Variants in IYD observed in about 807,000 individuals in gnomAD.
IYD encodes iodotyrosine deiodinase 1.
Under a neutral mutation model 28.4 loss-of-function variants are expected in IYD, and 25 were observed. The ratio of observed to expected loss-of-function variants is 0.88; its 90% CI spans 0.64 to 1.23. The LOEUF (loss-of-function observed/expected upper bound fraction) is 1.23, where lower values mean the gene tolerates loss of function less well. Ranked by LOEUF, IYD falls within the 50% of genes most tolerant of loss-of-function variation. The pLI, the probability that IYD is intolerant of heterozygous loss-of-function variation, is 0.00. For synonymous variants in IYD, 140 were observed against 130.8 expected, an observed-to-expected ratio of 1.07 and a Z score of -0.48; for missense variants, 352 against 357.9, an observed-to-expected ratio of 0.98 and a Z score of 0.13.
Position 150,394,088 on chromosome 6 carries a change from T to C in IYD, c.531-11T>C, listed in dbSNP as rs200349984. 23 of 1,613,696 alleles carry C rather than the reference T, an allele frequency of 1.4e-5. No individual in the cohort carries two copies. In the Admixed American group the frequency reaches 1.8e-4, roughly 13 times the overall value. On this transcript the variant is annotated splice_polypyrimidine_tract_variant and intron_variant, in intron 3 of 4. Coordinates refer to ENST00000344419, the MANE Select transcript of IYD (RefSeq NM_203395.3). ...GGCAAATATTATCCTGAATCTCTTT[T>C]CTCTTCACAGAACCAACTGGATTAA... is the stretch of plus-strand genomic sequence containing the variant.
chr6:150,372,705 T>G (rs9384460), intron 1 of IYD, among the ~76,000 whole-genome samples: 29 of 120,482 alleles, frequency 2.4e-4, no homozygotes, highest in African/African-American at 6.9e-4. Context: ...TGGGGGTGTG[T>G]TGGGGGTGGT....
intron 1 of IYD, among the ~76,000 whole-genome samples, chr6:150,385,355 C>A (rs796545940): frequency 2.4e-4 from 37 of 152,098 alleles, no homozygotes; most frequent in African/African-American, 8.9e-4. Flanking sequence ...TGGGGTTTTT[C>A]CCCCCATAGT....
chr6:150,388,634 T>TCTTG (rs1777976294), intron 1 of IYD, among the ~76,000 whole-genome samples: 1 of 43,000 alleles, frequency 2.3e-5, no homozygotes, highest in African/African-American at 6.0e-5. Flanking sequence ...GTTTTTGCTT[T>TCTTG]CTTTCTTTCT....
At chr6:150,397,640 C>CA (rs1778374168) in intron 4 of IYD, among the ~76,000 whole-genome samples, 1 of 150,638 alleles carries the variant, frequency 6.6e-6, no homozygotes, top group African/African-American at 2.4e-5. Flanking sequence ...TGGGCTAGGA[C>CA]ACTGCTTTGG....
At chr6:150,381,242 A>C (rs979582118) in intron 1 of IYD, among the ~76,000 whole-genome samples, 3 of 152,234 alleles carry the variant, frequency 2.0e-5, no homozygotes, top group African/African-American at 7.2e-5. Flanking sequence ...GTACTTACAG[A>C]AATGGTAACA....
At chr6:150,378,772 C>T (rs957200601) in intron 1 of IYD, among the ~76,000 whole-genome samples, 3 of 152,088 alleles carry the variant, frequency 2.0e-5, no homozygotes, top group Non-Finnish European at 4.4e-5. Context: ...ACCATTTGAC[C>T]CAGCCATCCC....
rs1778518010 is a variant in IYD at position 150,401,799 on chromosome 6, T to A, written c.*3562T>A. 1 of 152,028 alleles carries A rather than the reference T, an allele frequency of 6.6e-6. No homozygotes were observed. The highest frequency in any genetic ancestry group is 2.4e-5 in the African/African-American group (1 of 41,360). 9.4% of individuals were successfully genotyped at this position (152,028 alleles called of 1,614,324 possible). A position where few individuals can be genotyped will look rare whatever the true frequency, so the allele number is the denominator to read the frequency against. ...GAGGAAGTATACTTAATTAAGAAAG[T>A]TGAAAATGGTTTGTGTCTTACTAAT... On this transcript the variant is annotated 3_prime_UTR_variant, in exon 5 of 5. Transcript: ENST00000344419.
intron 3 of IYD, 36 bp from the exon 4 acceptor site, chr6:150,394,063 G>A (rs1208280479): frequency 1.9e-6 from 3 of 1,607,364 alleles, no homozygotes; most frequent in Admixed American, 3.3e-5. Flanking sequence ...AAAAAATATG[G>A]GCAAATATTA....
At position 150,369,745 on chromosome 6, in the gene IYD, G is replaced by A. The variant is rs549341293; in HGVS notation, c.178+536G>A. Among the ~76,000 whole-genome samples the A allele has an allele frequency of 5.3e-5, 8 of 152,190 alleles. No individual in the cohort carries two copies. In the South Asian group the frequency reaches 8.3e-4, roughly 16 times the overall value. ...ACAGACCCGGTGGAACTGATTCTAAGGTGTTTAGAGTAGGCCTGGGAGTTT... is the reference window on the plus strand; with the variant it reads ...ACAGACCCGGTGGAACTGATTCTAAAGTGTTTAGAGTAGGCCTGGGAGTTT... On this transcript the variant is annotated intron_variant, in intron 1 of 4. Transcript: ENST00000344419.
chr6:150,374,638 C>T (rs938831906), intron 1 of IYD, among the ~76,000 whole-genome samples: 1 of 152,208 alleles, frequency 6.6e-6, no homozygotes, highest in African/African-American at 2.4e-5. Context: ...ATGGGGGAAA[C>T]TGCCCCCATG....
rs564841923 is a variant in IYD, at chr6:150,401,442, GC to G, written c.*3209del. 1.1e-4 allele frequency: 16 copies of G among 152,204 alleles called. No homozygotes were observed. Among genetic ancestry groups the G allele is most frequent in the African/African-American group, 3.9e-4 (16 of 41,510 alleles). 9.4% of individuals were successfully genotyped at this position (152,204 alleles called of 1,614,324 possible). On this transcript the variant is annotated 3_prime_UTR_variant, in exon 5 of 5. Transcript: ENST00000344419. ...AACGTAAAATCCATTTCAGCCTGCC[GC>G]CCCTTGGAATGGAGGGTCTTCTAGG...
chr6:150,383,934 G>T (rs1777762569), intron 1 of IYD, among the ~76,000 whole-genome samples: 1 of 151,840 alleles, frequency 6.6e-6, no homozygotes, highest in South Asian at 2.1e-4. Flanking sequence ...CACAGCTCAA[G>T]GCATGGGATA....
intron 1 of IYD, among the ~76,000 whole-genome samples, chr6:150,371,649 C>T (rs1412121707): frequency 6.6e-6 from 1 of 152,190 alleles, no homozygotes; most frequent in Non-Finnish European, 1.5e-5. Flanking sequence ...CCTCTTCATT[C>T]TCTGTTCCCT....
At position 150,398,398 on chromosome 6, in the gene IYD, T is replaced by C; in HGVS notation, c.*161T>C. 1 of 634,890 alleles carries C rather than the reference T, an allele frequency of 1.6e-6. No homozygotes were observed. The highest frequency in any genetic ancestry group is 1.9e-5 in the South Asian group (1 of 52,390). The allele number at this position is 634,890 out of a possible 1,614,324, so 39.3% of individuals were successfully genotyped here. On this transcript the variant is annotated 3_prime_UTR_variant, in exon 5 of 5. Coordinates refer to ENST00000344419, the MANE Select transcript of IYD (RefSeq NM_203395.3). ...ACTATGTCAAGAAGCCTCTCCACAC[T>C]CTGTGGCACTTCCAGTCCCATAAAT...
intron 4 of IYD, chr6:150,395,700 C>G: frequency 2.6e-6 from 2 of 773,092 alleles, no homozygotes; most frequent in Non-Finnish European, 4.4e-6. Flanking sequence ...GCCCGCATCT[C>G]CAGTATGGTG....
intron 1 of IYD, chr6:150,370,578 AC>A: frequency 4.1e-6 from 4 of 985,384 alleles, no homozygotes; most frequent in Non-Finnish European, 4.8e-6. Flanking sequence ...TTGCTCTCCT[AC>A]ATTGAAACCT....
Position 150,399,918 on chromosome 6 carries a change from T to C in IYD, c.*1681T>C, listed in dbSNP as rs971268223. 6 of 152,396 alleles carry C rather than the reference T, an allele frequency of 3.9e-5. No homozygotes were observed. The highest frequency in any genetic ancestry group is 8.8e-5 in the Non-Finnish European group (6 of 68,236). 9.4% of individuals were successfully genotyped at this position (152,396 alleles called of 1,614,324 possible). A position where few individuals can be genotyped will look rare whatever the true frequency, so the allele number is the denominator to read the frequency against. On this transcript the variant is annotated 3_prime_UTR_variant, in exon 5 of 5. Coordinates refer to ENST00000344419, the MANE Select transcript of IYD (RefSeq NM_203395.3). Reference sequence around the variant, plus strand: ...TACCATCACATTGGGGGTTAGGGTTTCAACATATGAATTGCGGGGGACACA... The same window carrying C: ...TACCATCACATTGGGGGTTAGGGTTCCAACATATGAATTGCGGGGGACACA...
intron 1 of IYD, among the ~76,000 whole-genome samples, chr6:150,383,793 T>TAAAAAAAAAA (rs754408425): frequency 1.7e-5 from 1 of 57,242 alleles, no homozygotes; most frequent in Non-Finnish European, 3.3e-5. Context: ...ACCAAGTCTC[T>TAAAAAAAAAA]AAAAAAAAAA....
Position 150,398,368 on chromosome 6 carries a change from GC to G in IYD, c.*133del. On this transcript the variant is annotated 3_prime_UTR_variant, in exon 5 of 5. Coordinates refer to ENST00000344419, the MANE Select transcript of IYD (RefSeq NM_203395.3). ...GTCCCCTCATTGCTCTTCTCAGGTG[GC>G]CACACTATGTCAAGAAGCCTCTCCA... The G allele has an allele frequency of 1.3e-6, 1 of 799,368 alleles. No homozygotes were observed. Among genetic ancestry groups the G allele is most frequent in the Non-Finnish European group, 2.1e-6 (1 of 483,062 alleles). 49.5% of individuals were successfully genotyped at this position (799,368 alleles called of 1,614,324 possible).
Sources: gnomAD v4.1 joint callset for allele counts (sites outside exome capture counted in the v4.1 genomes callset) on GRCh38, gnomAD v4.1.1 for gene constraint, MANE v1.5 for transcripts, NCBI Gene and HGNC (gene_info 2026-07-23, HGNC 2026-07-21) for gene names.